Variants in IPO11 observed in about 807,000 individuals in gnomAD.
The protein encoded by IPO11 is importin 11.
A neutral mutation model predicts 143.2 loss-of-function variants in IPO11; 66 were observed. That is an observed-to-expected ratio of 0.46 (90% CI 0.38 to 0.57). IPO11 has a LOEUF of 0.57. IPO11 is among the 20% of genes least tolerant of loss of function. The pLI is 0.00. For missense variants in IPO11, 1,026 were observed against 1,141.0 expected, an observed-to-expected ratio of 0.90 and a Z score of 1.45; for synonymous variants, 385 against 377.8, an observed-to-expected ratio of 1.02 and a Z score of -0.22.
intron 5 of IPO11, among the ~76,000 whole-genome samples, chr5:62,455,802 A>G (rs2112169930): frequency 6.6e-6 from 1 of 151,732 alleles, no homozygotes; most frequent in Admixed American, 6.6e-5. Flanking sequence ...TTGGCTCACT[A>G]CAACCTTTGC....
intron 1 of IPO11, among the ~76,000 whole-genome samples, chr5:62,417,321 AT>A (rs34767317): frequency 0.032 from 2,091 of 65,332 alleles, 22 homozygotes; most frequent in African/African-American, 0.05. Flanking sequence ...TTATTGGTTA[AT>A]TTTTTTTTTT....
intron 27 of IPO11, among the ~76,000 whole-genome samples, chr5:62,568,479 C>A (rs1213870029): frequency 3.5e-5 from 5 of 143,442 alleles, no homozygotes; most frequent in African/African-American, 1.3e-4. Context: ...GAGGCTGAGG[C>A]TGGAGACTCA....
intron 7 of IPO11, among the ~76,000 whole-genome samples, chr5:62,473,772 A>G (rs73760818): frequency 0.016 from 2,374 of 152,076 alleles, 67 homozygotes; most frequent in African/African-American, 0.054. Context: ...CTATTTCTTT[A>G]TATTTATTCC....
At chr5:62,434,892 G>T (rs1744115946) in intron 1 of IPO11, among the ~76,000 whole-genome samples, 1 of 151,348 alleles carries the variant, frequency 6.6e-6, no homozygotes, top group Admixed American at 6.6e-5. Flanking sequence ...GGGCGTGGTG[G>T]CTCGCGCCTG....
chr5:62,480,491 C>A (rs1345092642), intron 9 of IPO11, among the ~76,000 whole-genome samples: 1 of 152,098 alleles, frequency 6.6e-6, no homozygotes, highest in African/African-American at 2.4e-5. Context: ...TCATTGGTAG[C>A]TTGATGGAGA....
intron 9 of IPO11, among the ~76,000 whole-genome samples, chr5:62,479,671 C>T (rs1171479868): frequency 1.3e-5 from 2 of 152,192 alleles, no homozygotes; most frequent in African/African-American, 2.4e-5. Flanking sequence ...TTTTGATTTG[C>T]ATCTCTCTGA....
In IPO11 at chr5:62,454,054, G is replaced by A. The variant is rs191058210; in HGVS notation, c.516+2121G>A. Among the ~76,000 whole-genome samples the A allele has an allele frequency of 4.4e-3, 668 of 152,266 alleles. 7 individuals are homozygous for A. Among genetic ancestry groups the A allele is most frequent in the African/African-American group, 0.016 (644 of 41,542 alleles). ...GGAGGCTGAGGCAGGAGAATGACGT[G>A]AACCTAGGAGGTGGAGCTTGCAGTG... On this transcript the variant is annotated intron_variant, in intron 5 of 29. Coordinates refer to ENST00000325324, the MANE Select transcript of IPO11 (RefSeq NM_016338.5).
At chr5:62,601,615 A>G (rs1345245798) in intron 28 of IPO11, 149 bp from the exon 29 acceptor site, 5 of 408,410 alleles carry the variant, frequency 1.2e-5, no homozygotes, top group Non-Finnish European at 1.7e-5. Context: ...ATTTTGTTAA[A>G]TTTTAAATTA....
At chr5:62,509,302 A>C (rs1350985815) in intron 19 of IPO11, among the ~76,000 whole-genome samples, 2 of 152,200 alleles carry the variant, frequency 1.3e-5, no homozygotes, top group African/African-American at 4.8e-5. Context: ...TATCTAAAAG[A>C]TGAGGTGTCC....
intron 20 of IPO11, among the ~76,000 whole-genome samples, chr5:62,519,197 G>A (rs1444752000): frequency 6.6e-6 from 1 of 152,152 alleles, no homozygotes; most frequent in Non-Finnish European, 1.5e-5. Context: ...GAACTGACAT[G>A]TGTAAAACTA....
chr5:62,457,614 C>A (rs247233), intron 5 of IPO11, among the ~76,000 whole-genome samples: 95,943 of 152,004 alleles, frequency 0.63, 31,138 homozygotes, highest in African/African-American at 0.77. Flanking sequence ...ATATTTTCTA[C>A]ACAAAGGAGA....
At chr5:62,588,228 CTT>C (rs1246651088) in intron 27 of IPO11, among the ~76,000 whole-genome samples, 13 of 144,896 alleles carry the variant, frequency 9.0e-5, no homozygotes, top group Admixed American at 2.1e-4. Context: ...TACCACTAAA[CTT>C]TTTTTTTTTT....
chr5:62,531,605 A>T (rs941389820), intron 22 of IPO11, among the ~76,000 whole-genome samples: 1 of 152,132 alleles, frequency 6.6e-6, no homozygotes, highest in Admixed American at 6.5e-5. Flanking sequence ...TGGGATTATT[A>T]GAGGCAAAAA....
chr5:62,535,485 C>A (rs1742704120), intron 22 of IPO11, among the ~76,000 whole-genome samples: 1 of 151,896 alleles, frequency 6.6e-6, no homozygotes, highest in Non-Finnish European at 1.5e-5. Flanking sequence ...ATATAAAGGC[C>A]CCCTTTATCC....
intron 26 of IPO11, chr5:62,560,672 A>G (rs953181771): frequency 6.6e-6 from 1 of 152,336 alleles, no homozygotes; most frequent in Non-Finnish European, 1.5e-5. Flanking sequence ...GAAATAATTC[A>G]TTTGTTTTCC....
At chr5:62,544,861 A>G (rs571642493) in intron 24 of IPO11, among the ~76,000 whole-genome samples, 3 of 152,186 alleles carry the variant, frequency 2.0e-5, no homozygotes, top group Admixed American at 6.5e-5. Context: ...CTTCAAAGAG[A>G]ATAAAATACC....
intron 27 of IPO11, chr5:62,579,313 A>G: frequency 1.2e-6 from 1 of 851,212 alleles, no homozygotes; most frequent in East Asian, 2.7e-5. Flanking sequence ...GATCCTAATT[A>G]AAATAGAATA....
At chr5:62,620,299 C>T (rs1249947987) in intron 29 of IPO11, among the ~76,000 whole-genome samples, 1 of 152,066 alleles carries the variant, frequency 6.6e-6, no homozygotes, top group African/African-American at 2.4e-5. Flanking sequence ...GTGGGCGGAT[C>T]ACGAGGTCAG....
At chr5:62,561,736 A>G (rs1167534165) in intron 27 of IPO11, 1 of 152,184 alleles carries the variant, frequency 6.6e-6, no homozygotes, top group Admixed American at 6.5e-5. Flanking sequence ...TCTCACTCCC[A>G]TAAAGCAAAT....
Sources: gnomAD v4.1 joint callset for allele counts (sites outside exome capture counted in the v4.1 genomes callset) on GRCh38, gnomAD v4.1.1 for gene constraint, MANE v1.5 for transcripts, NCBI Gene and HGNC (gene_info 2026-07-23, HGNC 2026-07-21) for gene names.